HCN1: variants seen among roughly 807,000 people sequenced by gnomAD.
The protein encoded by HCN1 is hyperpolarization activated cyclic nucleotide gated potassium channel 1.
A neutral mutation model predicts 78.9 loss-of-function variants in HCN1; 13 were observed. The ratio of observed to expected loss-of-function variants is 0.16; its 90% CI spans 0.11 to 0.26. The LOEUF is 0.26. Among genes scored for constraint, HCN1 ranks in the 10% least tolerant of loss-of-function variants. The pLI is 1.00. For synonymous variants in HCN1, 552 were observed against 455.5 expected (o/e 1.21, Z -2.70); for missense variants, 810 against 1,154.3 (o/e 0.70, Z 4.32).
At position 45,531,057 on chromosome 5, in the gene HCN1, T is replaced by TACAC. The variant is rs34789584; in HGVS notation, c.850-69054_850-69051dup. ...AAAATTAAAGAAATGCTAACACACA[T>TACAC]ACACACACACACACACACACACACA... On this transcript the variant is annotated intron_variant, in intron 2 of 7. Transcript: ENST00000303230. 2.8e-3 allele frequency among the ~76,000 whole-genome samples: 403 copies of TACAC among 144,246 alleles called. 1 individual carries two copies. The highest frequency in any genetic ancestry group is 8.0e-3 in the African/African-American group (313 of 39,160). 94.6% of individuals were successfully genotyped at this position (144,246 alleles called of 152,430 possible).
intron 2 of HCN1, among the ~76,000 whole-genome samples, chr5:45,639,114 A>C (rs750820735): frequency 5.9e-5 from 9 of 152,216 alleles, no homozygotes; most frequent in Admixed American, 1.3e-4. Flanking sequence ...ATCCATAGTC[A>C]TCTTTTTCTT....
At chr5:45,356,456 C>A (rs1371370359) in intron 4 of HCN1, among the ~76,000 whole-genome samples, 1 of 151,894 alleles carries the variant, frequency 6.6e-6, no homozygotes, top group Non-Finnish European at 1.5e-5. Context: ...CGGCAAGGAT[C>A]CAGTTTCAAA....
intron 7 of HCN1, 89 bp from the exon 8 acceptor site, chr5:45,262,899 T>C: frequency 2.9e-6 from 4 of 1,398,672 alleles, no homozygotes; most frequent in Non-Finnish European, 4.0e-6. Context: ...AACAGAAGTA[T>C]AGCTGTGCTT....
At chr5:45,539,931 T>G (rs996904093) in intron 2 of HCN1, among the ~76,000 whole-genome samples, 3 of 31,330 alleles carry the variant, frequency 9.6e-5, no homozygotes, top group Admixed American at 8.4e-4. Context: ...TATATATATA[T>G]ATATATATAT....
chr5:45,376,236 C>CCATATATTCTATATAGAATATAGAA (rs1747658345), intron 4 of HCN1, among the ~76,000 whole-genome samples: 52 of 27,958 alleles, frequency 1.9e-3, no homozygotes, highest in Admixed American at 3.7e-3. Flanking sequence ...AATATATATT[C>CCATATATTCTATATAGAATATAGAA]TATATATTCT....
intron 2 of HCN1, among the ~76,000 whole-genome samples, chr5:45,505,145 C>T (rs1742272546): frequency 6.6e-6 from 1 of 152,108 alleles, no homozygotes; most frequent in South Asian, 2.1e-4. Flanking sequence ...GTTGCCATTG[C>T]TTTTGGTGTT....
chr5:45,524,304 C>T (rs191327748), intron 2 of HCN1, among the ~76,000 whole-genome samples: 3 of 151,838 alleles, frequency 2.0e-5, no homozygotes, highest in Non-Finnish European at 2.9e-5. Flanking sequence ...TGATGCCTCC[C>T]GCTTTGTTCT....
At chr5:45,653,338 A>T (rs531571513) in intron 1 of HCN1, among the ~76,000 whole-genome samples, 4 of 152,104 alleles carry the variant, frequency 2.6e-5, no homozygotes, top group Non-Finnish European at 4.4e-5. Context: ...ATTTCTCTAC[A>T]TGATTTTCAG....
chr5:45,684,152 C>A (rs1445594773), intron 1 of HCN1, among the ~76,000 whole-genome samples: 1 of 152,040 alleles, frequency 6.6e-6, no homozygotes, highest in Non-Finnish European at 1.5e-5. Context: ...AAATTACAGG[C>A]AAAATATTGT....
rs555514576 is a variant in HCN1, at chr5:45,572,963, G to A, written c.849+72222C>T. Among the ~76,000 whole-genome samples, 93 of 152,194 alleles carry A rather than the reference G, an allele frequency of 6.1e-4. 1 individual carries two copies. Among genetic ancestry groups the A allele is most frequent in the African/African-American group, 2.0e-3 (84 of 41,566 alleles). On this transcript the variant is annotated intron_variant, in intron 2 of 7. Transcript: ENST00000303230. ...GGAACATTTCATTTTTTTTAAGGTC[G>A]TCAGGAAAGGATCTATTGAAACATA...
chr5:45,497,170 T>G (rs1011684256), intron 2 of HCN1, among the ~76,000 whole-genome samples: 1 of 152,198 alleles, frequency 6.6e-6, no homozygotes, highest in African/African-American at 2.4e-5. Context: ...GAAAAAAATG[T>G]ATATTCTGTT....
intron 3 of HCN1, among the ~76,000 whole-genome samples, chr5:45,431,322 T>C (rs1740459294): frequency 6.6e-6 from 1 of 152,150 alleles, no homozygotes; most frequent in African/African-American, 2.4e-5. Context: ...AATTTATTCA[T>C]AGATTTTGGA....
chr5:45,314,050 C>A (rs1192799378), intron 5 of HCN1, among the ~76,000 whole-genome samples: 2 of 151,994 alleles, frequency 1.3e-5, no homozygotes, highest in African/African-American at 2.4e-5. Context: ...AACTCCAAGA[C>A]AAATAATTGT....
intron 4 of HCN1, among the ~76,000 whole-genome samples, chr5:45,393,681 T>C (rs904133950): frequency 2.6e-5 from 4 of 152,214 alleles, no homozygotes; most frequent in Non-Finnish European, 4.4e-5. Context: ...TCTGAACTTA[T>C]TTGACCAGGG....
In HCN1 at chr5:45,645,491, T is replaced by A. The variant is rs776001672; in HGVS notation, c.543A>T (p.Ala181=). The A allele has an allele frequency of 6.2e-7, 1 of 1,613,446 alleles. No individual in the cohort carries two copies. Among genetic ancestry groups the A allele is most frequent in the South Asian group, 1.1e-5 (1 of 91,070 alleles). ...GGTCCAATAGGAAAACTGTATCTGA[T>A]GCCACATTGAAAATAATCCATGGTG... ...TTTPWIIFNV[A]SDTVFLLDLI... is the part of the protein sequence containing the mutation. The change falls in exon 2 of 8, where the codon GCA becomes GCT. Residue 181 remains alanine, a synonymous_variant. Coordinates refer to ENST00000303230, the MANE Select transcript of HCN1 (RefSeq NM_021072.4).
intron 4 of HCN1, among the ~76,000 whole-genome samples, chr5:45,372,477 T>C (rs1180183342): frequency 7.9e-6 from 1 of 125,956 alleles, no homozygotes; most frequent in Non-Finnish European, 1.6e-5. Flanking sequence ...TATAAAAATA[T>C]ATAAAACATT....
intron 2 of HCN1, among the ~76,000 whole-genome samples, chr5:45,621,962 GATTA>G (rs1053138825): frequency 6.6e-6 from 1 of 152,102 alleles, no homozygotes; most frequent in African/African-American, 2.4e-5. Context: ...TGTATCTTAA[GATTA>G]ATTCTTTTTC....
chr5:45,372,171 T>TA (rs1359244880), intron 4 of HCN1, among the ~76,000 whole-genome samples: 1 of 60,956 alleles, frequency 1.6e-5, no homozygotes, highest in African/African-American at 9.9e-5. Context: ...TTATATATAA[T>TA]TATATTATAA....
chr5:45,681,004 T>C (rs148572143), intron 1 of HCN1, among the ~76,000 whole-genome samples: 18 of 152,218 alleles, frequency 1.2e-4, no homozygotes, highest in African/African-American at 3.9e-4. Context: ...ATCTGGTATG[T>C]CAAGTTTTTC....
Sources: allele counts gnomAD v4.1 joint callset (sites outside exome capture counted in the v4.1 genomes callset), GRCh38; gene constraint gnomAD v4.1.1; transcripts MANE v1.5; gene names NCBI Gene and HGNC (gene_info 2026-07-23, HGNC 2026-07-21).